Variants in PROSER2 observed in about 807,000 individuals in gnomAD.
PROSER2 encodes proline and serine rich 2.
A neutral mutation model predicts 14.6 loss-of-function variants in PROSER2; 18 were observed. That is an observed-to-expected ratio of 1.23 (90% CI 0.85 to 1.83). The LOEUF is 1.83. Among genes scored for constraint, PROSER2 ranks in the 40% most tolerant of loss-of-function variants. The pLI is 0.00. For synonymous variants in PROSER2, 367 were observed against 286.4 expected (o/e 1.28, Z -2.84); for missense variants, 823 against 629.8 (o/e 1.31, Z -3.28).
At chr10:11,867,655 G>A (rs754198584) in intron 3 of PROSER2, among the ~76,000 whole-genome samples, 17 of 152,302 alleles carry the variant, frequency 1.1e-4, no homozygotes, top group Non-Finnish European at 1.9e-4. Flanking sequence ...TACCACTGCT[G>A]ACGTGGCAGG....
rs547936190 is a variant in PROSER2, at chr10:11,840,245, G to T, written c.-81-11752G>T. On this transcript the variant is annotated intron_variant, in intron 1 of 3. Transcript: ENST00000277570. ...TGGGATTATAGGTGTGAGCCACCAC[G>T]CTGTCCTCATTTGTTGTCATTAAAA... Among the ~76,000 whole-genome samples, 347 of 149,040 alleles carry T rather than the reference G, an allele frequency of 2.3e-3. 1 individual carries two copies. Among genetic ancestry groups the T allele is most frequent in the African/African-American group, 8.2e-3 (330 of 40,472 alleles).
rs1355067800 is a variant in PROSER2 at position 11,856,871 on chromosome 10, T to C, written c.138+4656T>C. Among the ~76,000 whole-genome samples the C allele has an allele frequency of 6.6e-6, 1 of 152,180 alleles. No individual in the cohort carries two copies. The highest frequency in any genetic ancestry group is 1.5e-5 in the Non-Finnish European group (1 of 68,034). On this transcript the variant is annotated intron_variant, in intron 2 of 3. Transcript: ENST00000277570. The surrounding 1 kb of genome is among the most constrained non-coding windows in gnomAD (Gnocchi z 5.3). Reference sequence around the variant, plus strand: ...GCTAGAAATCTGATGTGCTGTTTGCTCTGTGACTTCAGGAGGGGACACTGA... The same window carrying C: ...GCTAGAAATCTGATGTGCTGTTTGCCCTGTGACTTCAGGAGGGGACACTGA...
intron 3 of PROSER2, among the ~76,000 whole-genome samples, chr10:11,867,264 C>CAAAAAAAA (rs10560433): frequency 9.7e-4 from 50 of 51,766 alleles, no homozygotes; most frequent in East Asian, 3.2e-3. Context: ...GACTCCGTCT[C>CAAAAAAAA]AAAAAAAAAA....
intron 1 of PROSER2, among the ~76,000 whole-genome samples, chr10:11,833,239 T>TTTTTTC (rs1252673087): frequency 1.1e-5 from 1 of 95,136 alleles, no homozygotes; most frequent in African/African-American, 3.4e-5. Flanking sequence ...TTGTGGCTTT[T>TTTTTTC]TTTTTTTTTT....
At chr10:11,833,459 G>C (rs1258666032) in intron 1 of PROSER2, among the ~76,000 whole-genome samples, 2 of 151,972 alleles carry the variant, frequency 1.3e-5, no homozygotes, top group South Asian at 2.1e-4. Context: ...GGGAGGCCAA[G>C]AGGGGTGGAT....
In PROSER2 at chr10:11,865,710, A is replaced by G. The variant is rs1289241270; in HGVS notation, c.139-821A>G. Among the ~76,000 whole-genome samples, 1 of 152,076 alleles carries G rather than the reference A, an allele frequency of 6.6e-6. No homozygotes were observed. The highest frequency in any genetic ancestry group is 1.5e-5 in the Non-Finnish European group (1 of 68,020). On this transcript the variant is annotated intron_variant, in intron 2 of 3. Transcript: ENST00000277570. The surrounding 1 kb of genome is among the most constrained non-coding windows in gnomAD (Gnocchi z 4.2). Reference sequence around the variant, plus strand: ...TCACTTGGCTGCACTGACAGCCCACACTGTTAACACGGCACTCCACCGTCA... The same window carrying G: ...TCACTTGGCTGCACTGACAGCCCACGCTGTTAACACGGCACTCCACCGTCA...
At chr10:11,842,017 G>A (rs958765176) in intron 1 of PROSER2, among the ~76,000 whole-genome samples, 1 of 152,160 alleles carries the variant, frequency 6.6e-6, no homozygotes, top group African/African-American at 2.4e-5. Context: ...GAGCTCAGGA[G>A]TTTGAGACCA....
At chr10:11,841,901 G>C (rs1307017805) in intron 1 of PROSER2, among the ~76,000 whole-genome samples, 1 of 152,124 alleles carries the variant, frequency 6.6e-6, no homozygotes, top group African/African-American at 2.4e-5. Context: ...CCATTATATT[G>C]TTTAAGTCTT....
chr10:11,829,482 G>A lies in PROSER2; in HGVS notation c.-82+6012G>A, dbSNP rs542464229. On this transcript the variant is annotated intron_variant, in intron 1 of 3. Transcript: ENST00000277570. ...ACCTGTAGACCCAGCTACTCAGGAC[G>A]CTGAGGCAGGAGATGCTTGAGCCCA... Among the ~76,000 whole-genome samples the A allele has an allele frequency of 3.4e-3, 524 of 151,952 alleles. 5 individuals are homozygous for A. Among genetic ancestry groups the A allele is most frequent in the African/African-American group, 0.012 (508 of 41,424 alleles).
chr10:11,847,043 C>G (rs906619253), intron 1 of PROSER2, among the ~76,000 whole-genome samples: 12 of 151,456 alleles, frequency 7.9e-5, no homozygotes, highest in Non-Finnish European at 1.6e-4. Context: ...TGAGCCACCA[C>G]TCCCAGCCTG....
rs1834127825 is a variant in PROSER2, at chr10:11,856,675, C to T, written c.138+4460C>T. On this transcript the variant is annotated intron_variant, in intron 2 of 3. Transcript: ENST00000277570. This position sits in a 1 kb window ranked among gnomAD's most constrained non-coding sequence, Gnocchi z 5.3. The stretch of plus-strand genomic sequence containing the variant: ...TCCCTACGCCCACAAGTGCTGTGGC[C>T]CTGAAGTCACACAGCGGTCTGTGAC... Among the ~76,000 whole-genome samples the T allele has an allele frequency of 6.6e-6, 1 of 152,162 alleles. No homozygotes were observed. Among genetic ancestry groups the T allele is most frequent in the South Asian group, 2.1e-4 (1 of 4,824 alleles).
At chr10:11,826,080 G>A (rs1044574353) in intron 1 of PROSER2, among the ~76,000 whole-genome samples, 16 of 151,964 alleles carry the variant, frequency 1.1e-4, no homozygotes, top group Middle Eastern at 3.2e-3. Context: ...CTTCTGTCTC[G>A]GTAGACTTGC....
intron 3 of PROSER2, among the ~76,000 whole-genome samples, chr10:11,867,179 G>C (rs1404248957): frequency 6.7e-6 from 1 of 149,216 alleles, no homozygotes; most frequent in Admixed American, 6.7e-5. Context: ...GCAGGAGAAT[G>C]GCGTGAACCC....
At position 11,870,416 on chromosome 10, in the gene PROSER2, G is replaced by A. The variant is rs959124016; in HGVS notation, c.*10G>A. ...CAGGGAGAGTTCGTGAGGGCCGCGC[G>A]GGCTCCAGTCCACCCCGTTTCTCCC... is the stretch of plus-strand genomic sequence containing the variant. On this transcript the variant is annotated 3_prime_UTR_variant, in exon 4 of 4. Transcript: ENST00000277570. The A allele has an allele frequency of 2.0e-6, 3 of 1,476,610 alleles. No individual in the cohort carries two copies. Among genetic ancestry groups the A allele is most frequent in the Non-Finnish European group, 2.7e-6 (3 of 1,117,012 alleles). 91.5% of individuals were successfully genotyped at this position (1,476,610 alleles called of 1,614,324 possible).
chr10:11,866,669 T>A lies in PROSER2; in HGVS notation c.277T>A (p.Ser93Thr), dbSNP rs766285175. Residue 93 changes from serine to threonine, a missense_variant, in exon 3 of 4, where the codon TCT (serine) becomes ACT (threonine). Transcript: ENST00000277570. The surrounding 1 kb of genome is among the most constrained non-coding windows in gnomAD (Gnocchi z 6.0). ...AGGAGTGTGCTGCCTCTGCTCCCCG[T>A]CTCTGGAGGAGAGCACCTCCAGTCC... is the stretch of plus-strand genomic sequence containing the variant. The part of the protein sequence containing the change: ...DGGVCCLCSP[S>T]LEESTSSPSE... 1 of 1,614,120 alleles carries A rather than the reference T, an allele frequency of 6.2e-7. No homozygotes were observed. Among genetic ancestry groups the A allele is most frequent in the Non-Finnish European group, 8.5e-7 (1 of 1,180,022 alleles).
chr10:11,836,136 A>G lies in PROSER2; in HGVS notation c.-82+12666A>G, dbSNP rs1201420583. On this transcript the variant is annotated intron_variant, in intron 1 of 3. Transcript: ENST00000277570. The surrounding 1 kb of genome is among the most constrained non-coding windows in gnomAD (Gnocchi z 4.6). Reference sequence around the variant, plus strand: ...AACCTCGGCCTTCTGGGTTCAAGCGATTCTCCTGCCTCAGTCTCCCGAGTA... The same window carrying G: ...AACCTCGGCCTTCTGGGTTCAAGCGGTTCTCCTGCCTCAGTCTCCCGAGTA... 6.6e-6 allele frequency among the ~76,000 whole-genome samples: 1 copy of G among 151,964 alleles called. No homozygotes were observed. Among genetic ancestry groups the G allele is most frequent in the Non-Finnish European group, 1.5e-5 (1 of 67,990 alleles).
chr10:11,857,743 TAAAAAAAAA>T (rs374000135), intron 2 of PROSER2, among the ~76,000 whole-genome samples: 6 of 106,548 alleles, frequency 5.6e-5, no homozygotes, highest in African/African-American at 2.2e-4. Context: ...AGACCCCATC[TAAAAAAAAA>T]AAAAAAAAAA....
intron 2 of PROSER2, among the ~76,000 whole-genome samples, chr10:11,854,891 A>G (rs553028725): frequency 2.4e-4 from 37 of 152,046 alleles, no homozygotes; most frequent in African/African-American, 8.2e-4. Context: ...GTTTTATTCT[A>G]ACTCATCAGG....
chr10:11,870,096 G>T lies in PROSER2; in HGVS notation c.998G>T (p.Gly333Val), dbSNP rs1324766820. ...CCCGCTGAGAGTCTCCGGGCAGGGG[G>T]TCAGGCTCCGCGGGGCCCGGCGCTG... Reference protein sequence around the residue: ...PGPAESLRAGGQAPRGPALAN... With the variant: ...PGPAESLRAGVQAPRGPALAN... The change falls in exon 4 of 4, where the codon GGT becomes GTT. Residue 333 changes from glycine (G) to valine (V), a missense_variant. Physicochemically the swap from Gly to Val is moderately radical, Grantham distance 109. Transcript: ENST00000277570. 6.1e-6 allele frequency: 8 copies of T among 1,306,200 alleles called. No individual in the cohort carries two copies. The African/African-American group carries it at 1.1e-4, about 18-fold the overall frequency. 80.9% of individuals were successfully genotyped at this position (1,306,200 alleles called of 1,614,324 possible). A position where few individuals can be genotyped will look rare whatever the true frequency, so the allele number is the denominator to read the frequency against.
Sources: allele counts gnomAD v4.1 joint callset (sites outside exome capture counted in the v4.1 genomes callset), GRCh38; gene constraint gnomAD v4.1.1; non-coding constraint Gnocchi (gnomAD v3.1); transcripts MANE v1.5; gene names NCBI Gene and HGNC (gene_info 2026-07-23, HGNC 2026-07-21).